The following EXD3 variants were observed in gnomAD, a reference collection of about 807,000 sequenced individuals.
EXD3 encodes exonuclease 3'-5' domain containing 3, also known as exonuclease mut-7 homolog.
Under a neutral mutation model 98.0 loss-of-function variants are expected in EXD3, and 92 were observed. The ratio of observed to expected loss-of-function variants is 0.94; its 90% CI spans 0.79 to 1.12. The LOEUF (loss-of-function observed/expected upper bound fraction) is 1.12, where lower values mean the gene tolerates loss of function less well. Among genes scored for constraint, EXD3 ranks in the 50% most tolerant of loss-of-function variants. The probability of loss-of-function intolerance (pLI) is 0.00; values close to 1 mark genes in which losing one functional copy is unlikely to be tolerated. For missense variants in EXD3, 1,222 were observed against 1,191.6 expected (o/e 1.03, Z -0.38); for synonymous variants, 569 against 526.0 (o/e 1.08, Z -1.12).
intron 9 of EXD3, 77 bp from the exon 10 acceptor site, chr9:137,354,454 G>T: frequency 1.9e-6 from 3 of 1,597,744 alleles, no homozygotes; most frequent in Admixed American, 3.5e-5. Flanking sequence ...AGTTTTCCTC[G>T]ACCCCTGGCA....
chr9:137,323,654 A>G, intron 19 of EXD3, 71 bp downstream of exon 19: 1 of 1,567,904 alleles, frequency 6.4e-7, no homozygotes, highest in East Asian at 2.3e-5. Flanking sequence ...GGTGGGGCCC[A>G]CCTCCCTGGA....
intron 17 of EXD3, among the ~76,000 whole-genome samples, chr9:137,337,861 C>G (rs1489933900): frequency 3.3e-5 from 5 of 151,632 alleles, no homozygotes; most frequent in Non-Finnish European, 5.9e-5. Flanking sequence ...AATCTTGGCT[C>G]ACTGCAAGCT....
intron 20 of EXD3, among the ~76,000 whole-genome samples, chr9:137,308,843 A>G (rs1246969373): frequency 3.9e-5 from 6 of 151,946 alleles, no homozygotes; most frequent in Non-Finnish European, 8.8e-5. Context: ...TCACCATGTT[A>G]GCCACCACCA....
intron 20 of EXD3, among the ~76,000 whole-genome samples, 180 bp from the exon 21 acceptor site, chr9:137,307,826 G>A (rs919360474): frequency 6.6e-6 from 1 of 152,174 alleles, no homozygotes; most frequent in Non-Finnish European, 1.5e-5. Context: ...CTGTGGTACC[G>A]GCCTGGTCCC....
chr9:137,384,601 C>T (rs1836490079), intron 2 of EXD3, among the ~76,000 whole-genome samples: 1 of 152,224 alleles, frequency 6.6e-6, no homozygotes, highest in African/African-American at 2.4e-5. Flanking sequence ...ACAGAAACAT[C>T]AGGACCGGCC....
chr9:137,382,186 G>GCGTGGAGGAGGTGAGGGCA (rs1836344310), intron 3 of EXD3, among the ~76,000 whole-genome samples: 2 of 150,802 alleles, frequency 1.3e-5, no homozygotes, highest in Non-Finnish European at 3.0e-5. Context: ...AGGTGAGGGC[G>GCGTGGAGGAGGTGAGGGCA]CGCGGAGGAG....
At chr9:137,318,854 T>G (rs963527418) in intron 19 of EXD3, among the ~76,000 whole-genome samples, 17 of 152,168 alleles carry the variant, frequency 1.1e-4, no homozygotes, top group African/African-American at 4.1e-4. Flanking sequence ...CACAGACCCC[T>G]GGCCAGGCCC....
intron 17 of EXD3, among the ~76,000 whole-genome samples, chr9:137,346,654 G>A (rs929479438): frequency 5.3e-5 from 8 of 152,200 alleles, no homozygotes; most frequent in African/African-American, 9.7e-5. Flanking sequence ...TTTAATGTCC[G>A]TATTTCCACA....
In EXD3 at chr9:137,324,413, T is replaced by C. The variant is rs953219931; in HGVS notation, c.1999-270A>G. 3.3e-5 allele frequency among the ~76,000 whole-genome samples: 5 copies of C among 152,108 alleles called. No individual in the cohort carries two copies. The highest frequency in any genetic ancestry group is 1.2e-4 in the African/African-American group (5 of 41,408). Reference sequence around the variant, plus strand: ...AAAATTGAATTTAAAAAGCCATCCCTCAAAAGCAGAAGAAAATGAAATACA... The same window carrying C: ...AAAATTGAATTTAAAAAGCCATCCCCCAAAAGCAGAAGAAAATGAAATACA... On this transcript the variant is annotated intron_variant, in intron 17 of 21. Transcript: ENST00000340951. The surrounding 1 kb of genome is among the most constrained non-coding windows in gnomAD (Gnocchi z 4.1).
At chr9:137,328,662 C>T (rs1352815730) in intron 17 of EXD3, among the ~76,000 whole-genome samples, 9 of 50,842 alleles carry the variant, frequency 1.8e-4, no homozygotes, top group Non-Finnish European at 2.7e-4. Context: ...CTACACGGGA[C>T]TACACGGGAC....
Position 137,398,667 on chromosome 9 carries a change from G to A in EXD3, c.-47-3263C>T, listed in dbSNP as rs531836682. On this transcript the variant is annotated intron_variant, in intron 1 of 21. Coordinates refer to ENST00000340951, the MANE Select transcript of EXD3 (RefSeq NM_017820.5). ...GCGTCCCCAAGACACACAGGCGACC[G>A]CGTCCCCAAGACACACAGGCACCCA... is the stretch of plus-strand genomic sequence containing the variant. Among the ~76,000 whole-genome samples the A allele has an allele frequency of 1.2e-3, 174 of 140,828 alleles. 1 individual carries two copies. The highest frequency in any genetic ancestry group is 3.1e-3 in the African/African-American group (116 of 37,228). The allele number at this position is 140,828 out of a possible 152,430, so 92.4% of individuals were successfully genotyped here.
chr9:137,317,550 C>G (rs1423413506), intron 19 of EXD3, among the ~76,000 whole-genome samples: 3 of 152,122 alleles, frequency 2.0e-5, no homozygotes, highest in African/African-American at 7.2e-5. Context: ...AGGCTGGGCT[C>G]TGGCTGAGAC....
At chr9:137,341,224 G>C (rs112796216) in intron 17 of EXD3, among the ~76,000 whole-genome samples, 1 of 152,228 alleles carries the variant, frequency 6.6e-6, no homozygotes, top group African/African-American at 2.4e-5. Flanking sequence ...GGCTGAGTTG[G>C]GAGGCTCACT....
chr9:137,375,931 G>A (rs183657092), intron 3 of EXD3, among the ~76,000 whole-genome samples: 12 of 152,104 alleles, frequency 7.9e-5, no homozygotes, highest in Non-Finnish European at 1.6e-4. Context: ...GGGGAGTAAC[G>A]GGACATCGAT....
At chr9:137,312,506 C>T (rs1171550271) in intron 19 of EXD3, among the ~76,000 whole-genome samples, 1 of 152,194 alleles carries the variant, frequency 6.6e-6, no homozygotes, top group African/African-American at 2.4e-5. Flanking sequence ...GGGGCCGGGC[C>T]ACCAGCCAGG....
intron 17 of EXD3, among the ~76,000 whole-genome samples, chr9:137,331,213 G>A (rs915688257): frequency 2.0e-5 from 3 of 152,060 alleles, no homozygotes; most frequent in Non-Finnish European, 4.4e-5. Flanking sequence ...ATTGTTTTAC[G>A]ATAAAAATCC....
At chr9:137,344,671 T>C (rs531090624) in intron 17 of EXD3, among the ~76,000 whole-genome samples, 1 of 152,342 alleles carries the variant, frequency 6.6e-6, no homozygotes, top group South Asian at 2.1e-4. Context: ...GATGAGAGTT[T>C]CCCAAATCAT....
chr9:137,346,910 G>A (rs1266040223), intron 17 of EXD3, among the ~76,000 whole-genome samples: 2 of 151,984 alleles, frequency 1.3e-5, no homozygotes, highest in African/African-American at 2.4e-5. Flanking sequence ...TCTGCCTCCC[G>A]GGTTCAAGCA....
chr9:137,332,238 C>T (rs758425829), intron 17 of EXD3, among the ~76,000 whole-genome samples: 3 of 148,134 alleles, frequency 2.0e-5, no homozygotes, highest in Non-Finnish European at 4.4e-5. Flanking sequence ...AAAAAACAAT[C>T]CTAAAATCTG....
Sources: allele counts gnomAD v4.1 joint callset (sites outside exome capture counted in the v4.1 genomes callset), GRCh38; gene constraint gnomAD v4.1.1; non-coding constraint Gnocchi (gnomAD v3.1); transcripts MANE v1.5; gene names NCBI Gene and HGNC (gene_info 2026-07-23, HGNC 2026-07-21).